RBM20: variants seen among roughly 807,000 people sequenced by gnomAD.
RBM20 encodes RNA-binding protein 20.
A neutral mutation model predicts 110.1 loss-of-function variants in RBM20; 51 were observed. The ratio of observed to expected loss-of-function variants is 0.46; its 90% CI spans 0.37 to 0.59. The LOEUF (loss-of-function observed/expected upper bound fraction) is 0.59. Among genes scored for constraint, RBM20 ranks in the 20% least tolerant of loss-of-function variants. The pLI, the probability that RBM20 is intolerant of heterozygous loss-of-function variation, is 0.00. For synonymous variants in RBM20, 589 were observed against 618.2 expected, an observed-to-expected ratio of 0.95 and a Z score of 0.70; for missense variants, 1,512 against 1,574.9, an observed-to-expected ratio of 0.96 and a Z score of 0.68.
chr10:110,791,216 A>G (rs538205707), intron 5 of RBM20, among the ~76,000 whole-genome samples: 1 of 152,360 alleles, frequency 6.6e-6, no homozygotes, highest in South Asian at 2.1e-4. Context: ...CAGGTTATAA[A>G]TCAACATCAT....
At chr10:110,666,637 C>T (rs994385238) in intron 1 of RBM20, among the ~76,000 whole-genome samples, 1 of 152,042 alleles carries the variant, frequency 6.6e-6, no homozygotes, top group Non-Finnish European at 1.5e-5. Flanking sequence ...CAGAGAGAGA[C>T]CCTGTCTCAG....
At chr10:110,756,912 T>A (rs1843929211) in intron 1 of RBM20, among the ~76,000 whole-genome samples, 1 of 152,220 alleles carries the variant, frequency 6.6e-6, no homozygotes, top group Non-Finnish European at 1.5e-5. Context: ...ACAAGTGAGG[T>A]TGGTGCATTT....
intron 5 of RBM20, among the ~76,000 whole-genome samples, chr10:110,786,008 G>C (rs148398411): frequency 1.3e-5 from 2 of 152,292 alleles, no homozygotes; most frequent in East Asian, 3.9e-4. Flanking sequence ...TAGTTTTGCT[G>C]TCTCTGCAAC....
intron 1 of RBM20, among the ~76,000 whole-genome samples, chr10:110,717,599 C>G (rs1863039082): frequency 6.6e-6 from 1 of 152,120 alleles, no homozygotes; most frequent in African/African-American, 2.4e-5. Flanking sequence ...TGATTTGAAT[C>G]CCACCCCTGC....
At position 110,680,021 on chromosome 10, in the gene RBM20, G is replaced by T. The variant is rs185370997; in HGVS notation, c.191+35376G>T. Among the ~76,000 whole-genome samples the T allele has an allele frequency of 1.1e-4, 16 of 152,330 alleles. 1 individual carries two copies. The East Asian group carries it at 2.5e-3, about 24-fold the overall frequency. On this transcript the variant is annotated intron_variant, in intron 1 of 13. Coordinates refer to ENST00000369519, the MANE Select transcript of RBM20 (RefSeq NM_001134363.3). ...ATATTTTGAGATAAGGGCACAGTAGGACAGCACTGTTTCTAAATGACTTTA... is the reference window on the plus strand; with the variant it reads ...ATATTTTGAGATAAGGGCACAGTAGTACAGCACTGTTTCTAAATGACTTTA...
intron 13 of RBM20, among the ~76,000 whole-genome samples, chr10:110,834,212 G>A (rs979344860): frequency 3.3e-5 from 5 of 152,170 alleles, no homozygotes; most frequent in Admixed American, 6.5e-5. Context: ...GCGCTCATTC[G>A]CTTGCCTTCC....
At chr10:110,785,432 T>C (rs571680461) in intron 5 of RBM20, among the ~76,000 whole-genome samples, 23 of 152,256 alleles carry the variant, frequency 1.5e-4, no homozygotes, top group African/African-American at 5.5e-4. Flanking sequence ...GGTGTATGCC[T>C]GTAGTCGCAG....
At chr10:110,802,576 G>A (rs577875891) in intron 7 of RBM20, among the ~76,000 whole-genome samples, 1 of 152,252 alleles carries the variant, frequency 6.6e-6, no homozygotes, top group East Asian at 1.9e-4. Flanking sequence ...TTTCTAATTA[G>A]GATTAACGGC....
chr10:110,670,876 T>G (rs1862247756), intron 1 of RBM20, among the ~76,000 whole-genome samples: 1 of 152,226 alleles, frequency 6.6e-6, no homozygotes, highest in Non-Finnish European at 1.5e-5. Flanking sequence ...TGTTCCTTCC[T>G]TTTATTTTTG....
intron 5 of RBM20, 77 bp from the exon 6 acceptor site, chr10:110,797,431 G>A: frequency 1.5e-6 from 2 of 1,340,242 alleles, no homozygotes; most frequent in Non-Finnish European, 2.0e-6. Context: ...GGGAAAGATA[G>A]CCATTAAGAA....
intron 12 of RBM20, among the ~76,000 whole-genome samples, chr10:110,828,385 G>A (rs1293042114): frequency 6.6e-6 from 1 of 152,184 alleles, no homozygotes; most frequent in East Asian, 1.9e-4. Flanking sequence ...CCAGCTCTTG[G>A]GGTTTCTCCT....
chr10:110,761,651 G>C (rs1339100948), intron 1 of RBM20, among the ~76,000 whole-genome samples: 2 of 152,172 alleles, frequency 1.3e-5, no homozygotes, highest in Non-Finnish European at 1.5e-5. Flanking sequence ...GTCCCCACAC[G>C]TGGGGTGTAT....
At chr10:110,708,506 T>C (rs964683026) in intron 1 of RBM20, among the ~76,000 whole-genome samples, 6 of 152,170 alleles carry the variant, frequency 3.9e-5, no homozygotes, top group Admixed American at 2.0e-4. Context: ...TAAAGCTAAA[T>C]CCCACTTATT....
chr10:110,789,467 TTATTTATC>T (rs376962668), intron 5 of RBM20, among the ~76,000 whole-genome samples: 14 of 152,166 alleles, frequency 9.2e-5, no homozygotes, highest in African/African-American at 3.1e-4. Context: ...ATTTATTTAT[TTATTTATC>T]GAGACAGGGT....
chr10:110,725,900 G>C (rs954973525), intron 1 of RBM20, among the ~76,000 whole-genome samples: 7 of 152,232 alleles, frequency 4.6e-5, no homozygotes, highest in Non-Finnish European at 8.8e-5. Context: ...CTCTGTGCTG[G>C]GGGTGGAATC....
intron 1 of RBM20, among the ~76,000 whole-genome samples, chr10:110,721,756 C>T (rs367991104): frequency 1.3e-5 from 2 of 152,144 alleles, no homozygotes; most frequent in African/African-American, 4.8e-5. Flanking sequence ...CTTCTCATTT[C>T]ACCAAGCTAT....
chr10:110,763,751 C>CCTTTTTTTTTTTTTTT (rs1554896903), intron 1 of RBM20, among the ~76,000 whole-genome samples: 9 of 64,388 alleles, frequency 1.4e-4, no homozygotes, highest in Non-Finnish European at 1.7e-4. Flanking sequence ...GGCTTCTTGG[C>CCTTTTTTTTTTTTTTT]TTTTTTTTTT....
At chr10:110,710,306 C>T (rs138959175) in intron 1 of RBM20, among the ~76,000 whole-genome samples, 8 of 152,324 alleles carry the variant, frequency 5.3e-5, no homozygotes, top group African/African-American at 1.9e-4. Flanking sequence ...GTAGCCAAGA[C>T]TGCAAATTAT....
intron 12 of RBM20, among the ~76,000 whole-genome samples, chr10:110,825,995 C>T (rs994873404): frequency 2.0e-5 from 3 of 152,188 alleles, no homozygotes; most frequent in Admixed American, 6.5e-5. Context: ...TTCAGATGTG[C>T]TTGTTCAGTG....
Sources: allele counts gnomAD v4.1 joint callset (sites outside exome capture counted in the v4.1 genomes callset), GRCh38; gene constraint gnomAD v4.1.1; transcripts MANE v1.5; gene names NCBI Gene and HGNC (gene_info 2026-07-23, HGNC 2026-07-21).